Variants in ATAD1 observed in about 807,000 individuals in gnomAD.
ATAD1 encodes the protein outer mitochondrial transmembrane helix translocase.
Under a neutral mutation model 42.7 loss-of-function variants are expected in ATAD1, and 18 were observed. The ratio of observed to expected loss-of-function variants is 0.42; its 90% CI spans 0.29 to 0.63. The LOEUF is 0.63. ATAD1 is among the 20% of genes least tolerant of loss of function. The pLI, the probability that ATAD1 is intolerant of heterozygous loss-of-function variation, is 0.19. For missense variants in ATAD1, 294 were observed against 440.4 expected, an observed-to-expected ratio of 0.67 and a Z score of 2.98; for synonymous variants, 132 against 143.1, an observed-to-expected ratio of 0.92 and a Z score of 0.55.
At chr10:87,769,788 A>G (rs1854943838) in intron 7 of ATAD1, among the ~76,000 whole-genome samples, 1 of 152,116 alleles carries the variant, frequency 6.6e-6, no homozygotes, top group Non-Finnish European at 1.5e-5. Context: ...TCTACTAATA[A>G]TACAAAAATT....
At chr10:87,769,920 G>C (rs9663978) in intron 7 of ATAD1, among the ~76,000 whole-genome samples, 44,566 of 151,676 alleles carry the variant, frequency 0.29, 6,759 homozygotes, top group Non-Finnish European at 0.31. Context: ...TCCAGCCTGG[G>C]TGACAGGCAA....
chr10:87,834,164 TA>T (rs1857888777), intron 1 of ATAD1, among the ~76,000 whole-genome samples: 2 of 152,226 alleles, frequency 1.3e-5, no homozygotes, highest in Non-Finnish European at 2.9e-5. Flanking sequence ...TGGTGTATAA[TA>T]TTTTTATATA....
chr10:87,762,950 G>A (rs1259527049), intron 8 of ATAD1, among the ~76,000 whole-genome samples: 1 of 147,084 alleles, frequency 6.8e-6, no homozygotes, highest in African/African-American at 2.5e-5. Context: ...GTGTGGTGGC[G>A]CGCGCCTATA....
chr10:87,801,719 C>T (rs183103175), intron 2 of ATAD1, among the ~76,000 whole-genome samples: 1 of 152,272 alleles, frequency 6.6e-6, no homozygotes, highest in African/African-American at 2.4e-5. Context: ...ACAATTGTTA[C>T]CTTCTTTTGG....
At chr10:87,808,945 G>T (rs1229494773) in intron 2 of ATAD1, among the ~76,000 whole-genome samples, 1 of 152,124 alleles carries the variant, frequency 6.6e-6, no homozygotes, top group African/African-American at 2.4e-5. Context: ...TATTCTAGAA[G>T]AATTTGCATA....
intron 6 of ATAD1, among the ~76,000 whole-genome samples, chr10:87,773,291 G>A (rs1191093271): frequency 6.6e-6 from 1 of 152,052 alleles, no homozygotes; most frequent in Non-Finnish European, 1.5e-5. Flanking sequence ...TATCTTTTAT[G>A]TCTCATGTCT....
At chr10:87,797,005 C>T (rs907481859) in intron 2 of ATAD1, among the ~76,000 whole-genome samples, 4 of 152,176 alleles carry the variant, frequency 2.6e-5, no homozygotes, top group Non-Finnish European at 5.9e-5. Context: ...TCACTCCTAG[C>T]AGGGAAGATG....
At chr10:87,840,284 G>A (rs1025903861) in intron 1 of ATAD1, among the ~76,000 whole-genome samples, 1 of 152,168 alleles carries the variant, frequency 6.6e-6, no homozygotes, top group African/African-American at 2.4e-5. Flanking sequence ...AAAGGTTTGA[G>A]ATGAGCCTGG....
At chr10:87,810,750 T>G (rs141122321) in intron 2 of ATAD1, among the ~76,000 whole-genome samples, 225 of 152,338 alleles carry the variant, frequency 1.5e-3, no homozygotes, top group Non-Finnish European at 2.2e-3. Context: ...ATGGCTTAAA[T>G]TTCTCTCTTT....
intron 2 of ATAD1, among the ~76,000 whole-genome samples, chr10:87,799,239 A>G (rs1856562829): frequency 6.6e-6 from 1 of 152,212 alleles, no homozygotes; most frequent in Non-Finnish European, 1.5e-5. Flanking sequence ...AAATACTATT[A>G]AGGTGTCAAA....
intron 6 of ATAD1, among the ~76,000 whole-genome samples, chr10:87,773,279 A>G (rs17092276): frequency 0.028 from 4,233 of 152,248 alleles, 196 homozygotes; most frequent in African/African-American, 0.097. Context: ...CCCTAAAAAC[A>G]CTATCTTTTA....
At chr10:87,816,424 G>A (rs928571331) in intron 1 of ATAD1, among the ~76,000 whole-genome samples, 1 of 152,140 alleles carries the variant, frequency 6.6e-6, no homozygotes, top group African/African-American at 2.4e-5. Flanking sequence ...AAGAAACTTT[G>A]GCCTAGGGAT....
At position 87,779,346 on chromosome 10, in the gene ATAD1, G is replaced by A. The variant is rs182815785; in HGVS notation, c.584-2919C>T. Among the ~76,000 whole-genome samples the A allele has an allele frequency of 4.6e-5, 7 of 151,940 alleles. 1 individual carries two copies. Among genetic ancestry groups the A allele is most frequent in the African/African-American group, 7.2e-5 (3 of 41,458 alleles). ...AAACAAAATAAATAAAATAAAATTC[G>A]TGCTATGTGAAAGATACTGCTAAGG... On this transcript the variant is annotated intron_variant, in intron 5 of 9. Transcript: ENST00000680024.
At chr10:87,784,062 G>A (rs2086970911) in intron 5 of ATAD1, among the ~76,000 whole-genome samples, 1 of 152,004 alleles carries the variant, frequency 6.6e-6, no homozygotes, top group Admixed American at 6.6e-5. Context: ...TAATCAACAT[G>A]CTAAAAGATG....
chr10:87,755,715 C>T (rs972599564), intron 9 of ATAD1, among the ~76,000 whole-genome samples: 4 of 152,044 alleles, frequency 2.6e-5, no homozygotes, highest in African/African-American at 9.7e-5. Flanking sequence ...TCGAGACCAG[C>T]CTGGCCAACA....
chr10:87,806,384 A>G (rs1856925831), intron 2 of ATAD1, among the ~76,000 whole-genome samples: 1 of 152,098 alleles, frequency 6.6e-6, no homozygotes, highest in Non-Finnish European at 1.5e-5. Flanking sequence ...AATCAATACC[A>G]ATCCAGGTTT....
chr10:87,756,698 G>C (rs1343602992), intron 9 of ATAD1, 91 bp downstream of exon 9: 6 of 1,202,900 alleles, frequency 5.0e-6, no homozygotes, highest in Non-Finnish European at 6.7e-6. Context: ...TTCATAAGCG[G>C]TGTTTCTAAT....
At chr10:87,840,960 G>A (rs533596235) in intron 1 of ATAD1, among the ~76,000 whole-genome samples, 3 of 152,116 alleles carry the variant, frequency 2.0e-5, no homozygotes, top group East Asian at 3.9e-4. Context: ...TTTTAGTCAC[G>A]GAGCTTATGA....
intron 5 of ATAD1, among the ~76,000 whole-genome samples, chr10:87,776,846 T>A (rs941340335): frequency 6.6e-6 from 1 of 152,090 alleles, no homozygotes; most frequent in Non-Finnish European, 1.5e-5. Context: ...ATGATGGGTA[T>A]TCTAATTACC....
Sources: allele counts gnomAD v4.1 joint callset (sites outside exome capture counted in the v4.1 genomes callset), GRCh38; gene constraint gnomAD v4.1.1; transcripts MANE v1.5; gene names NCBI Gene and HGNC (gene_info 2026-07-23, HGNC 2026-07-21).